The following TMC2 variants were observed in gnomAD, a reference collection of about 807,000 sequenced individuals.
TMC2 encodes the protein transmembrane channel-like protein 2.
In TMC2, 102 loss-of-function variants were observed where a neutral mutation model predicts 105.9. The observed-to-expected ratio is 0.96, with a 90% confidence interval of 0.82 to 1.14. The LOEUF (loss-of-function observed/expected upper bound fraction) is 1.14. TMC2 is among the 50% of genes most tolerant of loss of function. The pLI is 0.00. For synonymous variants in TMC2, 402 were observed against 422.8 expected (o/e 0.95, Z 0.60); for missense variants, 1,093 against 1,134.3 (o/e 0.96, Z 0.52).
intron 7 of TMC2, among the ~76,000 whole-genome samples, chr20:2,584,324 G>T (rs2086216552): frequency 7.1e-6 from 1 of 141,350 alleles, no homozygotes; most frequent in Non-Finnish European, 1.5e-5. Context: ...GGTGCCTGTG[G>T]TCCCAGCTAC....
intron 12 of TMC2, 58 bp from the exon 13 acceptor site, chr20:2,612,133 G>C: frequency 6.7e-7 from 1 of 1,485,986 alleles, no homozygotes; most frequent in South Asian, 1.4e-5. Context: ...TGTTCTTATG[G>C]AAACAGTTGG....
intron 17 of TMC2, among the ~76,000 whole-genome samples, chr20:2,626,052 C>T (rs983335028): frequency 1.3e-5 from 2 of 152,102 alleles, no homozygotes; most frequent in Non-Finnish European, 2.9e-5. Flanking sequence ...AGATGTCAGA[C>T]ATGTGGATGA....
chr20:2,576,020 G>A (rs2086141976), intron 5 of TMC2, among the ~76,000 whole-genome samples: 1 of 152,078 alleles, frequency 6.6e-6, no homozygotes, highest in South Asian at 2.1e-4. Flanking sequence ...GTATCTTGGA[G>A]GAAATGTTTT....
chr20:2,625,987 G>T (rs545969769), intron 17 of TMC2, among the ~76,000 whole-genome samples: 1 of 152,138 alleles, frequency 6.6e-6, no homozygotes, highest in South Asian at 2.1e-4. Flanking sequence ...GTTGTCATTT[G>T]TTTTCCTCTT....
At chr20:2,636,192 T>C (rs2086641675) in intron 18 of TMC2, among the ~76,000 whole-genome samples, 188 bp downstream of exon 18, 1 of 152,184 alleles carries the variant, frequency 6.6e-6, no homozygotes, top group Admixed American at 6.5e-5. Flanking sequence ...TTGAGGCTAT[T>C]TGGTGATTTG....
At chr20:2,543,608 G>A (rs1338309001) in intron 2 of TMC2, among the ~76,000 whole-genome samples, 1 of 152,208 alleles carries the variant, frequency 6.6e-6, no homozygotes, top group Non-Finnish European at 1.5e-5. Context: ...CTGGGTAGGA[G>A]ATGCCTAGAA....
chr20:2,548,458 G>C (rs1392731782), intron 2 of TMC2, among the ~76,000 whole-genome samples: 1 of 152,038 alleles, frequency 6.6e-6, no homozygotes, highest in Non-Finnish European at 1.5e-5. Context: ...GACCAACATG[G>C]AGAAACCCCG....
intron 4 of TMC2, among the ~76,000 whole-genome samples, chr20:2,570,554 TC>T (rs978887325): frequency 6.6e-6 from 1 of 151,972 alleles, no homozygotes; most frequent in African/African-American, 2.4e-5. Context: ...AGAATCAATA[TC>T]ATTAAAATGC....
chr20:2,621,982 C>A (rs551371126), intron 16 of TMC2, among the ~76,000 whole-genome samples: 2 of 152,224 alleles, frequency 1.3e-5, no homozygotes, highest in South Asian at 4.1e-4. Context: ...AAGCCTAACA[C>A]GTAAACTTAA....
chr20:2,543,075 A>G (rs575135740), intron 2 of TMC2, among the ~76,000 whole-genome samples: 2 of 151,960 alleles, frequency 1.3e-5, no homozygotes, highest in Non-Finnish European at 2.9e-5. Flanking sequence ...TGTCTCTACT[A>G]AAAATACAAA....
intron 5 of TMC2, among the ~76,000 whole-genome samples, chr20:2,576,815 T>C (rs1702817875): frequency 6.6e-6 from 1 of 151,894 alleles, no homozygotes; most frequent in Admixed American, 6.6e-5. Context: ...ACCAAAGTAC[T>C]CAAGGCAAAT....
chr20:2,541,238 A>G (rs2085887952), intron 2 of TMC2, among the ~76,000 whole-genome samples: 1 of 152,224 alleles, frequency 6.6e-6, no homozygotes, highest in African/African-American at 2.4e-5. Flanking sequence ...TTAATTCATT[A>G]TTCTATTACT....
chr20:2,597,259 A>G lies in TMC2; in HGVS notation c.1185A>G (p.Thr395=), dbSNP rs1315100373. 1 of 1,614,002 alleles carries G rather than the reference A, an allele frequency of 6.2e-7. No homozygotes were observed. Among genetic ancestry groups the G allele is most frequent in the Non-Finnish European group, 8.5e-7 (1 of 1,179,984 alleles). ...ACTACCTGATCGGGAATTCAGAGAC[A>G]GCTGATAACAAATATGCATCCATCA... The part of the protein sequence containing the change: ...SWDYLIGNSE[T]ADNKYASITT... Residue 395 remains threonine, a synonymous_variant, in exon 10 of 20, where the codon ACA becomes ACG. Coordinates refer to ENST00000358864, the MANE Select transcript of TMC2 (RefSeq NM_080751.3).
intron 11 of TMC2, among the ~76,000 whole-genome samples, chr20:2,605,490 G>GAT (rs772270722): frequency 2.0e-5 from 3 of 152,216 alleles, no homozygotes; most frequent in Non-Finnish European, 4.4e-5. Context: ...GAGAGAGAGA[G>GAT]ATCTCTGGTA....
At chr20:2,638,292 G>C (rs988045613) in intron 19 of TMC2, among the ~76,000 whole-genome samples, 1 of 148,954 alleles carries the variant, frequency 6.7e-6, no homozygotes, top group Non-Finnish European at 1.5e-5. Context: ...AGTGAGCCGA[G>C]CTTGCAATGA....
chr20:2,620,526 A>G (rs2086517414), intron 16 of TMC2, among the ~76,000 whole-genome samples: 1 of 152,260 alleles, frequency 6.6e-6, no homozygotes, highest in African/African-American at 2.4e-5. Context: ...TCTCTTCTTT[A>G]ACAGAGTACA....
intron 5 of TMC2, among the ~76,000 whole-genome samples, chr20:2,572,839 A>G (rs1481088741): frequency 6.6e-6 from 1 of 152,068 alleles, no homozygotes; most frequent in Non-Finnish European, 1.5e-5. Flanking sequence ...CAGGGCTTTT[A>G]TTCTGAACAA....
intron 4 of TMC2, among the ~76,000 whole-genome samples, chr20:2,564,840 C>T (rs546193885): frequency 6.6e-6 from 1 of 152,282 alleles, no homozygotes; most frequent in Middle Eastern, 3.4e-3. Flanking sequence ...GGTCTCCTTT[C>T]CCTGGACCTC....
chr20:2,551,629 G>A (rs1471298174), intron 2 of TMC2, among the ~76,000 whole-genome samples: 3 of 151,902 alleles, frequency 2.0e-5, no homozygotes, highest in African/African-American at 7.3e-5. Flanking sequence ...TTATAGCTTT[G>A]TGTTTTACAT....
Sources: gnomAD v4.1 joint callset for allele counts (sites outside exome capture counted in the v4.1 genomes callset) on GRCh38, gnomAD v4.1.1 for gene constraint, MANE v1.5 for transcripts, NCBI Gene and HGNC (gene_info 2026-07-23, HGNC 2026-07-21) for gene names.